The following SLC4A4 variants were observed in gnomAD, a reference collection of about 807,000 sequenced individuals.
The protein encoded by SLC4A4 is solute carrier family 4 member 4, also known as electrogenic sodium bicarbonate cotransporter 1.
A neutral mutation model predicts 111.5 loss-of-function variants in SLC4A4; 27 were observed. That is an observed-to-expected ratio of 0.24 (90% CI 0.18 to 0.33). The LOEUF is 0.33. SLC4A4 is among the 10% of genes least tolerant of loss of function. The probability of loss-of-function intolerance (pLI) is 1.00; values close to 1 mark genes in which losing one functional copy is unlikely to be tolerated. For missense variants in SLC4A4, 909 were observed against 1,315.5 expected, an observed-to-expected ratio of 0.69 and a Z score of 4.78; for synonymous variants, 443 against 463.4, an observed-to-expected ratio of 0.96 and a Z score of 0.57.
chr4:71,334,227 G>C (rs73826242), intron 3 of SLC4A4, among the ~76,000 whole-genome samples: 12,002 of 152,060 alleles, frequency 0.079, 872 homozygotes, highest in East Asian at 0.25. Context: ...TAGTCAGCAG[G>C]TGATGAATCT....
At chr4:71,415,817 G>A (rs983702587) in intron 7 of SLC4A4, among the ~76,000 whole-genome samples, 1 of 152,110 alleles carries the variant, frequency 6.6e-6, no homozygotes, top group African/African-American at 2.4e-5. Flanking sequence ...TCCCACTGAT[G>A]CTTTCTTGAT....
intron 7 of SLC4A4, among the ~76,000 whole-genome samples, chr4:71,435,060 TA>T (rs1723996085): frequency 3.9e-5 from 6 of 152,042 alleles, no homozygotes. Context: ...CACAGAATTG[TA>T]AAAAACTACT....
At chr4:71,421,311 T>A (rs1253257449) in intron 7 of SLC4A4, among the ~76,000 whole-genome samples, 2 of 152,128 alleles carry the variant, frequency 1.3e-5, no homozygotes, top group Non-Finnish European at 2.9e-5. Flanking sequence ...ATGCACCCAA[T>A]ACAGGAGCAC....
chr4:71,421,097 C>T (rs1363372464), intron 7 of SLC4A4, among the ~76,000 whole-genome samples: 7 of 146,416 alleles, frequency 4.8e-5, no homozygotes, highest in Admixed American at 6.8e-5. Flanking sequence ...ACCCATCTCA[C>T]GTGCAGAGAC....
At chr4:71,301,121 T>G (rs755665901) in intron 3 of SLC4A4, 1 of 367,278 alleles carries the variant, frequency 2.7e-6, no homozygotes, top group Non-Finnish European at 5.4e-6. Context: ...CATGGCACAG[T>G]GCCAGCATGG....
chr4:71,493,624 TC>T (rs1162721900), intron 15 of SLC4A4, among the ~76,000 whole-genome samples: 1 of 151,862 alleles, frequency 6.6e-6, no homozygotes, highest in Non-Finnish European at 1.5e-5. Context: ...AGTTACTAAG[TC>T]CTGGGACGTC....
intron 7 of SLC4A4, among the ~76,000 whole-genome samples, chr4:71,407,993 T>A (rs1462401803): frequency 6.6e-6 from 1 of 152,222 alleles, no homozygotes; most frequent in African/African-American, 2.4e-5. Flanking sequence ...TCATTTAGTC[T>A]GATAAATGCA....
chr4:71,441,083 A>C (rs1452851254), intron 8 of SLC4A4, among the ~76,000 whole-genome samples: 1 of 152,176 alleles, frequency 6.6e-6, no homozygotes, highest in African/African-American at 2.4e-5. Context: ...AAAAAGGTCT[A>C]AGAGTTTAAG....
chr4:71,213,511 T>C (rs769972604), intron 1 of SLC4A4, among the ~76,000 whole-genome samples: 7 of 152,176 alleles, frequency 4.6e-5, no homozygotes, highest in Non-Finnish European at 7.3e-5. Flanking sequence ...GCATACTAAT[T>C]GCTCTTTATT....
chr4:71,113,384 C>T (rs1743149176), intron 2 of SLC4A4, among the ~76,000 whole-genome samples: 2 of 152,158 alleles, frequency 1.3e-5, no homozygotes, highest in Admixed American at 1.3e-4. Context: ...GAGTGGATTC[C>T]CCAGCCCTGT....
intron 3 of SLC4A4, among the ~76,000 whole-genome samples, chr4:71,271,117 A>G (rs1464261378): frequency 2.0e-5 from 3 of 152,164 alleles, no homozygotes; most frequent in Admixed American, 2.0e-4. Flanking sequence ...GTCTATGTGG[A>G]CACCTTCACT....
At chr4:71,317,265 G>A (rs16846263) in intron 3 of SLC4A4, among the ~76,000 whole-genome samples, 1,654 of 152,000 alleles carry the variant, frequency 0.011, 30 homozygotes, top group African/African-American at 0.035. Flanking sequence ...AAGCATTAAC[G>A]TCAATTTTAT....
At chr4:71,445,242 C>T (rs1725118114) in intron 8 of SLC4A4, among the ~76,000 whole-genome samples, 1 of 152,044 alleles carries the variant, frequency 6.6e-6, no homozygotes, top group African/African-American at 2.4e-5. Context: ...AACTTGGAGG[C>T]TCCATTACTC....
chr4:71,084,485 T>C (rs569095224), intron 1 of SLC4A4, among the ~76,000 whole-genome samples: 2 of 152,014 alleles, frequency 1.3e-5, no homozygotes, highest in Non-Finnish European at 2.9e-5. Context: ...ACATGTGCCA[T>C]GTTGGTGTGC....
intron 2 of SLC4A4, among the ~76,000 whole-genome samples, chr4:71,251,582 T>A (rs1721072657): frequency 6.6e-6 from 1 of 152,188 alleles, no homozygotes; most frequent in Admixed American, 6.5e-5. Context: ...TGCAGGGTAT[T>A]TATTTGAACA....
rs539189087 is a variant in SLC4A4, at chr4:71,170,685, A to T, written c.-1-65891A>T. Among the ~76,000 whole-genome samples, 115 of 152,328 alleles carry T rather than the reference A, an allele frequency of 7.5e-4. 1 individual carries two copies. Among genetic ancestry groups the T allele is most frequent in the African/African-American group, 2.7e-3 (111 of 41,576 alleles). On this transcript the variant is annotated intron_variant, in intron 2 of 26. Transcript: ENST00000649996. ...TAAAAATGCATAAGACACATTTCCT[A>T]CTTTCACAGAGCCTAAAATTTAGTG...
intron 6 of SLC4A4, among the ~76,000 whole-genome samples, chr4:71,374,105 G>GT (rs916660365): frequency 6.6e-6 from 1 of 152,104 alleles, no homozygotes; most frequent in African/African-American, 2.4e-5. Flanking sequence ...TTAGCTTGGT[G>GT]TTTTTTTCTC....
intron 6 of SLC4A4, among the ~76,000 whole-genome samples, chr4:71,376,086 CATATATACGTGTGT>C (rs1560452678): frequency 7.3e-6 from 1 of 137,048 alleles, no homozygotes; most frequent in East Asian, 2.1e-4. Context: ...TATATATATA[CATATATACGTGTGT>C]ATATATATAT....
At chr4:71,213,892 G>C (rs529731015) in intron 1 of SLC4A4, among the ~76,000 whole-genome samples, 1 of 152,140 alleles carries the variant, frequency 6.6e-6, no homozygotes, top group Non-Finnish European at 1.5e-5. Flanking sequence ...GATCTTGGAC[G>C]TCCAAGTCTT....
Sources: allele counts gnomAD v4.1 joint callset (sites outside exome capture counted in the v4.1 genomes callset), GRCh38; gene constraint gnomAD v4.1.1; transcripts MANE v1.5; gene names NCBI Gene and HGNC (gene_info 2026-07-23, HGNC 2026-07-21).